ZNF138: variants seen among roughly 807,000 people sequenced by gnomAD.
ZNF138 encodes zinc finger protein 138.
Under a neutral mutation model 33.0 loss-of-function variants are expected in ZNF138, and 33 were observed. The ratio of observed to expected loss-of-function variants is 1.00; its 90% confidence interval spans 0.76 to 1.34. The LOEUF (loss-of-function observed/expected upper bound fraction) is 1.34. ZNF138 is among the 40% of genes most tolerant of loss of function. The pLI, the probability that ZNF138 is intolerant of heterozygous loss-of-function variation, is 0.00. For missense variants in ZNF138, 360 were observed against 370.8 expected, an observed-to-expected ratio of 0.97 and a Z score of 0.24; for synonymous variants, 139 against 120.4, an observed-to-expected ratio of 1.15 and a Z score of -1.01.
intron 3 of ZNF138, among the ~76,000 whole-genome samples, chr7:64,821,606 G>T (rs1411468781): frequency 6.6e-6 from 1 of 151,278 alleles, no homozygotes; most frequent in South Asian, 2.1e-4. Flanking sequence ...GAGTGCAGTG[G>T]CATGATCTCA....
intron 3 of ZNF138, among the ~76,000 whole-genome samples, chr7:64,816,968 T>G (rs1407516692): frequency 2.6e-5 from 4 of 152,224 alleles, no homozygotes; most frequent in African/African-American, 9.6e-5. Context: ...AATTCCCATT[T>G]TATTTTTGGA....
chr7:64,860,740 G>A, the ZNF138 span, among the ~76,000 whole-genome samples: 1 of 152,100 alleles, frequency 6.6e-6, no homozygotes, highest in Non-Finnish European at 1.5e-5. Context: ...TCTGAGCATT[G>A]TAAGTAACAA....
chr7:64,807,287 CT>C (rs1405793754), intron 1 of ZNF138, among the ~76,000 whole-genome samples: 2 of 152,130 alleles, frequency 1.3e-5, no homozygotes, highest in Non-Finnish European at 2.9e-5. Flanking sequence ...TCTAGTGCCC[CT>C]GGGTTAGGGT....
chr7:64,804,847 G>A (rs1352508931), intron 1 of ZNF138, among the ~76,000 whole-genome samples: 3 of 152,160 alleles, frequency 2.0e-5, no homozygotes, highest in African/African-American at 7.2e-5. Context: ...TTAATGGCTA[G>A]GAGATGAGAG....
the ZNF138 span, among the ~76,000 whole-genome samples, chr7:64,843,299 T>G: frequency 6.6e-6 from 1 of 152,192 alleles, no homozygotes; most frequent in Non-Finnish European, 1.5e-5. Flanking sequence ...TCATTCTGAT[T>G]TCGTTTGTTT....
chr7:64,818,559 G>A (rs1260613208), intron 3 of ZNF138, among the ~76,000 whole-genome samples: 1 of 151,954 alleles, frequency 6.6e-6, no homozygotes, highest in Non-Finnish European at 1.5e-5. Flanking sequence ...AGACCAGCCT[G>A]GCCAACATGG....
At chr7:64,819,605 G>A (rs896264430) in intron 3 of ZNF138, among the ~76,000 whole-genome samples, 1 of 152,024 alleles carries the variant, frequency 6.6e-6, no homozygotes, top group African/African-American at 2.4e-5. Context: ...CTCAGCTCAG[G>A]CAATCTGCCC....
At chr7:64,807,877 A>G (rs1787739781) in intron 1 of ZNF138, among the ~76,000 whole-genome samples, 1 of 152,230 alleles carries the variant, frequency 6.6e-6, no homozygotes, top group Non-Finnish European at 1.5e-5. Context: ...TCAAGGTCAC[A>G]AGGTATCCAC....
Position 64,832,134 on chromosome 7 carries a change from CAG to C in ZNF138, c.894_895del (p.Gln298HisfsTer12). The C allele has an allele frequency of 6.2e-7, 1 of 1,612,208 alleles. No homozygotes were observed. The highest frequency in any genetic ancestry group is 8.5e-7 in the Non-Finnish European group (1 of 1,179,586). ...FKQSPTLTKH[Q>X]IIYTGEEPYK... ...GCAGTCCCCAACCCTTACTAAACAT[CAG>C]ATAATTTATACTGGAGAGGAACCAT... On this transcript the variant is annotated frameshift_variant, in exon 4 of 4. Transcript: ENST00000307355. LOFTEE classifies it high-confidence loss of function.
the ZNF138 span, among the ~76,000 whole-genome samples, chr7:64,849,507 G>T: frequency 6.8e-6 from 1 of 146,704 alleles, no homozygotes; most frequent in African/African-American, 2.5e-5. Context: ...GGACTCCCAA[G>T]AATATATGAT....
chr7:64,820,219 G>C (rs1789017106), intron 3 of ZNF138, among the ~76,000 whole-genome samples: 1 of 39,700 alleles, frequency 2.5e-5, no homozygotes. Flanking sequence ...TCCCTTGACA[G>C]ACACCCTTCC....
chr7:64,850,665 T>A, the ZNF138 span, among the ~76,000 whole-genome samples: 1 of 152,340 alleles, frequency 6.6e-6, no homozygotes, highest in Non-Finnish European at 1.5e-5. Context: ...CTATATGACA[T>A]GAATACAGTT....
chr7:64,857,659 TAAAAAAAAAA>T, the ZNF138 span, among the ~76,000 whole-genome samples: 2 of 480 alleles, frequency 4.2e-3, 1 homozygote, highest in African/African-American at 4.3e-3. Flanking sequence ...AAAATAAATT[TAAAAAAAAAA>T]AAAAAAAAAA....
the ZNF138 span, among the ~76,000 whole-genome samples, chr7:64,860,661 A>G: frequency 2.0e-5 from 3 of 152,240 alleles, no homozygotes; most frequent in Non-Finnish European, 1.5e-5. Flanking sequence ...ATTATTTTAA[A>G]TGGAAAGGTT....
the ZNF138 span, among the ~76,000 whole-genome samples, chr7:64,851,591 AT>A: frequency 6.6e-6 from 1 of 152,262 alleles, no homozygotes; most frequent in African/African-American, 2.4e-5. Flanking sequence ...TTTAAAAATT[AT>A]TTGCGTAATT....
chr7:64,799,488 ATAAAG>A (rs1232818982), intron 1 of ZNF138, among the ~76,000 whole-genome samples: 1 of 152,106 alleles, frequency 6.6e-6, no homozygotes, highest in Non-Finnish European at 1.5e-5. Context: ...ATCCATGAGC[ATAAAG>A]TAATTTTCAA....
At chr7:64,815,156 A>G (rs1788512394) in intron 2 of ZNF138, 112 bp downstream of exon 2, 1 of 1,117,414 alleles carries the variant, frequency 8.9e-7, no homozygotes, top group South Asian at 2.0e-5. Flanking sequence ...TGAGTTTCAG[A>G]TTCCTGTTTT....
intron 1 of ZNF138, among the ~76,000 whole-genome samples, chr7:64,805,651 G>T (rs1787536573): frequency 6.6e-6 from 1 of 152,192 alleles, no homozygotes; most frequent in South Asian, 2.1e-4. Context: ...GCCACTAGGA[G>T]AGGGCAAGCA....
chr7:64,827,290 C>G (rs1789710237), intron 3 of ZNF138, among the ~76,000 whole-genome samples: 1 of 151,656 alleles, frequency 6.6e-6, no homozygotes, highest in Non-Finnish European at 1.5e-5. Flanking sequence ...CTCTGTCACC[C>G]AGGCTCGAGT....
Sources: allele counts gnomAD v4.1 joint callset (sites outside exome capture counted in the v4.1 genomes callset), GRCh38; gene constraint gnomAD v4.1.1; transcripts MANE v1.5; gene names NCBI Gene and HGNC (gene_info 2026-07-23, HGNC 2026-07-21).